LYRM4: variants seen among roughly 807,000 people sequenced by gnomAD.
LYRM4 encodes LYR motif-containing protein 4.
Under a neutral mutation model 11.7 loss-of-function variants are expected in LYRM4, and 9 were observed. The observed-to-expected ratio is 0.77, with a 90% CI of 0.46 to 1.34. The LOEUF is 1.34. Ranked by LOEUF, LYRM4 falls within the 40% of genes most tolerant of loss-of-function variation. The pLI is 0.00. For missense variants in LYRM4, 133 were observed against 112.5 expected (o/e 1.18, Z -0.82); for synonymous variants, 42 against 40.4 (o/e 1.04, Z -0.15).
chr6:5,178,499 T>A (rs1284420564), intron 2 of LYRM4, among the ~76,000 whole-genome samples: 1 of 150,530 alleles, frequency 6.6e-6, no homozygotes, highest in Non-Finnish European at 1.5e-5. Flanking sequence ...TCTGCAGTAG[T>A]GGGTGGAGCG....
chr6:5,124,204 C>T (rs1009728821), intron 2 of LYRM4, among the ~76,000 whole-genome samples: 1 of 152,112 alleles, frequency 6.6e-6, no homozygotes, highest in Non-Finnish European at 1.5e-5. Context: ...AGTTAAACAC[C>T]TAGAGGGAAA....
intron 2 of LYRM4, among the ~76,000 whole-genome samples, chr6:5,160,217 T>C (rs1561839106): frequency 2.0e-5 from 3 of 152,120 alleles, no homozygotes; most frequent in African/African-American, 7.2e-5. Context: ...AGCAAACTGG[T>C]AGAATTTCAG....
chr6:5,246,410 TTC>T (rs961994746), intron 1 of LYRM4, among the ~76,000 whole-genome samples: 1 of 152,176 alleles, frequency 6.6e-6, no homozygotes, highest in African/African-American at 2.4e-5. Context: ...TTGGGTTCAG[TTC>T]TCTGTTCTCC....
intron 1 of LYRM4, among the ~76,000 whole-genome samples, chr6:5,255,500 C>T (rs112849053): frequency 0.28 from 42,757 of 151,180 alleles, 7,464 homozygotes; most frequent in African/African-American, 0.5. Context: ...TTTTTAAAAG[C>T]TTTTTTTTTC....
At chr6:5,129,290 G>A (rs768419204) in intron 2 of LYRM4, among the ~76,000 whole-genome samples, 6 of 152,212 alleles carry the variant, frequency 3.9e-5, no homozygotes, top group Non-Finnish European at 5.9e-5. Flanking sequence ...CCAAACAGGT[G>A]GCTTTGAACA....
At chr6:5,181,833 C>T (rs1561853603) in intron 2 of LYRM4, among the ~76,000 whole-genome samples, 1 of 152,200 alleles carries the variant, frequency 6.6e-6, no homozygotes, top group Admixed American at 6.5e-5. Flanking sequence ...AAACTCAGGC[C>T]TCCTGCCCAG....
the LYRM4 span, among the ~76,000 whole-genome samples, chr6:5,092,612 G>C: frequency 6.6e-6 from 1 of 152,106 alleles, no homozygotes; most frequent in African/African-American, 2.4e-5. Context: ...CAGCTACCAG[G>C]GAGGCTGAGG....
At chr6:5,131,714 C>T (rs1408387886) in intron 2 of LYRM4, among the ~76,000 whole-genome samples, 2 of 152,158 alleles carry the variant, frequency 1.3e-5, no homozygotes, top group Non-Finnish European at 2.9e-5. Context: ...TTCAAGCTTT[C>T]TATTCCTCAG....
rs9378937 is a variant in LYRM4, at chr6:5,128,520, A to C, written c.208-19029T>G. Among the ~76,000 whole-genome samples, 17 of 152,376 alleles carry C rather than the reference A, an allele frequency of 1.1e-4. No homozygotes were observed. In the East Asian group the frequency reaches 3.3e-3, roughly 29 times the overall value. On this transcript the variant is annotated intron_variant, in intron 2 of 2. Coordinates refer to ENST00000330636, the MANE Select transcript of LYRM4 (RefSeq NM_020408.6). Reference sequence around the variant, plus strand: ...CCTGGCTGACAGATGGCAGATAAAAAGGAGCCACCTTTAACTTCTTCCTCT... The same window carrying C: ...CCTGGCTGACAGATGGCAGATAAAACGGAGCCACCTTTAACTTCTTCCTCT...
intron 1 of LYRM4, among the ~76,000 whole-genome samples, chr6:5,254,381 G>A (rs950258286): frequency 6.6e-6 from 1 of 152,154 alleles, no homozygotes; most frequent in African/African-American, 2.4e-5. Flanking sequence ...CCCGAAGCAC[G>A]GATTTTTACG....
At chr6:5,193,783 C>T (rs1428593766) in intron 2 of LYRM4, among the ~76,000 whole-genome samples, 2 of 152,174 alleles carry the variant, frequency 1.3e-5, no homozygotes, top group South Asian at 2.1e-4. Context: ...GAAAGCATGA[C>T]GCAGCCAGGA....
intron 2 of LYRM4, among the ~76,000 whole-genome samples, chr6:5,182,319 A>G (rs985703521): frequency 2.0e-5 from 3 of 152,252 alleles, no homozygotes; most frequent in African/African-American, 7.2e-5. Context: ...CTGGTTTTGT[A>G]ATGACTATTT....
At chr6:5,168,381 G>T (rs539912342) in intron 2 of LYRM4, among the ~76,000 whole-genome samples, 8 of 152,312 alleles carry the variant, frequency 5.3e-5, no homozygotes, top group Non-Finnish European at 1.0e-4. Flanking sequence ...GCCAATAATG[G>T]AACTCACAAT....
chr6:5,156,732 CAG>C (rs1758434999), intron 2 of LYRM4, among the ~76,000 whole-genome samples: 1 of 152,284 alleles, frequency 6.6e-6, no homozygotes, highest in African/African-American at 2.4e-5. Context: ...AACCCAGAAA[CAG>C]AAACAGAAAC....
chr6:5,063,184 A>G, the LYRM4 span, among the ~76,000 whole-genome samples: 3 of 151,328 alleles, frequency 2.0e-5, no homozygotes, highest in South Asian at 6.3e-4. Flanking sequence ...GCAAGCTTTG[A>G]TTTTTCTTTT....
chr6:5,199,982 T>C (rs1309247165), intron 2 of LYRM4, among the ~76,000 whole-genome samples: 1 of 152,242 alleles, frequency 6.6e-6, no homozygotes, highest in East Asian at 1.9e-4. Flanking sequence ...ACAACAATCC[T>C]GAAGGGCTGA....
At chr6:5,226,864 T>C (rs1013565002) in intron 1 of LYRM4, among the ~76,000 whole-genome samples, 2 of 152,186 alleles carry the variant, frequency 1.3e-5, no homozygotes, top group Non-Finnish European at 2.9e-5. Context: ...ATTTTAAAGT[T>C]CCTATTGATA....
At chr6:5,057,416 T>G in the LYRM4 span, among the ~76,000 whole-genome samples, 1 of 152,000 alleles carries the variant, frequency 6.6e-6, no homozygotes, top group African/African-American at 2.4e-5. Flanking sequence ...AGCTTTGGAG[T>G]TCAAACTTCC....
At chr6:5,042,296 G>A in the LYRM4 span, among the ~76,000 whole-genome samples, 1 of 151,870 alleles carries the variant, frequency 6.6e-6, no homozygotes, top group Admixed American at 6.6e-5. Flanking sequence ...GTTAAATGAT[G>A]TTTAAAAAAA....
Sources: gnomAD v4.1 joint callset for allele counts (sites outside exome capture counted in the v4.1 genomes callset) on GRCh38, gnomAD v4.1.1 for gene constraint, MANE v1.5 for transcripts, NCBI Gene and HGNC (gene_info 2026-07-23, HGNC 2026-07-21) for gene names.